GABBR2: variants seen among roughly 807,000 people sequenced by gnomAD.
GABBR2 encodes the protein gamma-aminobutyric acid type B receptor subunit 2.
A neutral mutation model predicts 105.6 loss-of-function variants in GABBR2; 23 were observed. That is an observed-to-expected ratio of 0.22 (90% CI 0.16 to 0.31). The LOEUF is 0.31. Ranked by LOEUF, GABBR2 falls within the 10% of genes least tolerant of loss-of-function variation. GABBR2 has a pLI of 1.00. For synonymous variants in GABBR2, 478 were observed against 499.7 expected (o/e 0.96, Z 0.58); for missense variants, 734 against 1,245.5 (o/e 0.59, Z 6.18).
chr9:98,648,114 T>TAGATAGATAGATAGATAGATAGATAGATA (rs1345087108), intron 1 of GABBR2, among the ~76,000 whole-genome samples: 2 of 102,250 alleles, frequency 2.0e-5, no homozygotes, highest in African/African-American at 4.4e-5. Flanking sequence ...TGTGTGTGTG[T>TAGATAGATAGATAGATAGATAGATAGATA]GTATAGATAG....
At chr9:98,557,632 G>A (rs959407931) in intron 2 of GABBR2, among the ~76,000 whole-genome samples, 1 of 152,172 alleles carries the variant, frequency 6.6e-6, no homozygotes, top group East Asian at 1.9e-4. Context: ...AATCAGCAGG[G>A]AGTTGAATTA....
At chr9:98,353,444 C>T (rs185638005) in intron 13 of GABBR2, among the ~76,000 whole-genome samples, 1 of 152,280 alleles carries the variant, frequency 6.6e-6, no homozygotes, top group Non-Finnish European at 1.5e-5. Context: ...CCTCCTCCCA[C>T]GAATCTCAGA....
At chr9:98,490,922 T>C (rs1436786918) in intron 4 of GABBR2, among the ~76,000 whole-genome samples, 1 of 152,124 alleles carries the variant, frequency 6.6e-6, no homozygotes, top group Non-Finnish European at 1.5e-5. Flanking sequence ...CCTGACTTTC[T>C]TGATACAAAT....
At chr9:98,549,677 C>G (rs1255690030) in intron 2 of GABBR2, among the ~76,000 whole-genome samples, 1 of 152,228 alleles carries the variant, frequency 6.6e-6, no homozygotes, top group East Asian at 1.9e-4. Context: ...TTTTTGCCCA[C>G]CGCCCTGCTT....
intron 10 of GABBR2, among the ~76,000 whole-genome samples, chr9:98,386,587 G>A (rs1024257413): frequency 1.8e-4 from 27 of 152,126 alleles, no homozygotes; most frequent in African/African-American, 6.5e-4. Flanking sequence ...GGAACCCTGT[G>A]GTGGCCTCCA....
At chr9:98,502,418 G>A (rs748531288) in intron 3 of GABBR2, among the ~76,000 whole-genome samples, 29 of 152,166 alleles carry the variant, frequency 1.9e-4, no homozygotes, top group Non-Finnish European at 3.2e-4. Flanking sequence ...GCCAGAGGAC[G>A]CCGGGTACTG....
At chr9:98,577,825 G>T in intron 2 of GABBR2, 110 bp downstream of exon 2, 1 of 1,054,322 alleles carries the variant, frequency 9.5e-7, no homozygotes, top group Non-Finnish European at 1.4e-6. Context: ...AAGTCCAGGA[G>T]GCCTGACCCA....
At chr9:98,429,761 C>T (rs970548847) in intron 7 of GABBR2, among the ~76,000 whole-genome samples, 1 of 152,066 alleles carries the variant, frequency 6.6e-6, no homozygotes, top group Non-Finnish European at 1.5e-5. Context: ...GAAGGGGAGG[C>T]GAGAAAACAG....
intron 1 of GABBR2, among the ~76,000 whole-genome samples, chr9:98,586,243 C>T (rs566291058): frequency 7.9e-5 from 12 of 151,894 alleles, no homozygotes; most frequent in Admixed American, 3.9e-4. Flanking sequence ...GAGCCCCAGG[C>T]CTGAATTTTG....
At chr9:98,409,820 C>T (rs1832553807) in intron 7 of GABBR2, among the ~76,000 whole-genome samples, 1 of 152,182 alleles carries the variant, frequency 6.6e-6, no homozygotes, top group South Asian at 2.1e-4. Context: ...CTCCCGCTGC[C>T]CAGCGCTACT....
chr9:98,700,189 C>T (rs1830812274), intron 1 of GABBR2, among the ~76,000 whole-genome samples: 1 of 152,156 alleles, frequency 6.6e-6, no homozygotes, highest in African/African-American at 2.4e-5. Context: ...AGCTCTGTAT[C>T]CCAGAGCCTA....
chr9:98,673,633 G>A (rs1830434352), intron 1 of GABBR2, among the ~76,000 whole-genome samples: 1 of 151,668 alleles, frequency 6.6e-6, no homozygotes, highest in South Asian at 2.1e-4. Flanking sequence ...TACACAGGAT[G>A]GCCAATATCT....
chr9:98,654,586 C>T (rs181675418), intron 1 of GABBR2, among the ~76,000 whole-genome samples: 15 of 152,170 alleles, frequency 9.9e-5, no homozygotes, highest in African/African-American at 2.2e-4. Flanking sequence ...GGACATGCAA[C>T]GACAAGAAGA....
At chr9:98,647,153 G>A (rs1301390082) in intron 1 of GABBR2, among the ~76,000 whole-genome samples, 1 of 152,168 alleles carries the variant, frequency 6.6e-6, no homozygotes, top group Non-Finnish European at 1.5e-5. Flanking sequence ...GATGCTAGAG[G>A]ACTAGGCACA....
At chr9:98,384,554 C>T (rs908286368) in intron 11 of GABBR2, among the ~76,000 whole-genome samples, 3 of 152,036 alleles carry the variant, frequency 2.0e-5, no homozygotes, top group East Asian at 1.9e-4. Context: ...CATACCATTG[C>T]ACTCCAGCCT....
At chr9:98,644,567 C>T (rs902685610) in intron 1 of GABBR2, among the ~76,000 whole-genome samples, 2 of 152,160 alleles carry the variant, frequency 1.3e-5, no homozygotes, top group African/African-American at 4.8e-5. Flanking sequence ...ATGGGCTGGG[C>T]GTGGTGGCTC....
chr9:98,342,058 A>G (rs797019342), intron 13 of GABBR2, among the ~76,000 whole-genome samples: 30 of 152,238 alleles, frequency 2.0e-4, no homozygotes, highest in African/African-American at 7.2e-4. Context: ...GTCACAGACA[A>G]GAGGGGACCG....
Position 98,406,113 on chromosome 9 carries a change from C to T in GABBR2, c.1265G>A (p.Arg422Lys). The T allele has an allele frequency of 6.3e-7, 1 of 1,585,828 alleles. No individual in the cohort carries two copies. Among genetic ancestry groups the T allele is most frequent in the Non-Finnish European group, 8.6e-7 (1 of 1,163,026 alleles). The change falls in exon 8 of 19, where the codon AGA (arginine) becomes AAA (lysine). Residue 422 changes from arginine to lysine, a missense_variant. Transcript: ENST00000259455. ...TTGAGTAAATTTAATGGTCCCCATTCTCTCCCCATTCCGGAATACAACTTG... is the reference window on the plus strand; with the variant it reads ...TTGAGTAAATTTAATGGTCCCCATTTTCTCCCCATTCCGGAATACAACTTG... The part of the protein sequence containing the change: ...TGQVVFRNGE[R>K]MGTIKFTQFQ...
chr9:98,542,905 T>C, intron 2 of GABBR2, among the ~76,000 whole-genome samples: 1 of 132,528 alleles, frequency 7.5e-6, no homozygotes, highest in East Asian at 1.9e-4. Context: ...TCATGTCCTT[T>C]GTTTATTTTT....
Sources: gnomAD v4.1 joint callset for allele counts (sites outside exome capture counted in the v4.1 genomes callset) on GRCh38, gnomAD v4.1.1 for gene constraint, MANE v1.5 for transcripts, NCBI Gene and HGNC (gene_info 2026-07-23, HGNC 2026-07-21) for gene names.